The following TRPV2 variants were observed in gnomAD, a reference collection of about 807,000 sequenced individuals.
The protein encoded by TRPV2 is transient receptor potential cation channel subfamily V member 2, also known as OTRPC2.
In TRPV2, 58 loss-of-function variants were observed where a neutral mutation model predicts 91.0. That is an observed-to-expected ratio of 0.64 (90% confidence interval 0.52 to 0.79). The LOEUF is 0.79. Among genes scored for constraint, TRPV2 ranks in the 30% least tolerant of loss-of-function variants. TRPV2 has a pLI of 0.00. For synonymous variants in TRPV2, 417 were observed against 414.8 expected (o/e 1.01, Z -0.06); for missense variants, 807 against 969.6 (o/e 0.83, Z 2.23).
In TRPV2 at chr17:16,433,628, C is replaced by T; in HGVS notation, c.2044C>T (p.Gln682Ter). ...ENGYWWCRKK[Q>*]RAGVMLTVGT... ...TGGCTATTGGTGGTGCAGGAAGAAG[C>T]AGCGGGCAGGTGTGATGCTGACCGT... is the stretch of plus-strand genomic sequence containing the variant. Residue 682 changes from glutamine (Q) to a stop codon, truncating the protein, a stop_gained, in exon 13 of 15, where the codon CAG (glutamine) becomes TAG (stop). Transcript: ENST00000338560. LOFTEE classifies it high-confidence loss of function. 6.2e-7 allele frequency: 1 copy of T among 1,614,184 alleles called. No individual in the cohort carries two copies. The highest frequency in any genetic ancestry group is 8.5e-7 in the Non-Finnish European group (1 of 1,180,034).
chr17:16,425,022 A>ATTT lies in TRPV2; in HGVS notation c.925-1060_925-1058dup, dbSNP rs11329557. Among the ~76,000 whole-genome samples the ATTT allele has an allele frequency of 3.1e-3, 356 of 116,000 alleles. 14 individuals carry two copies. Among genetic ancestry groups the ATTT allele is most frequent in the Non-Finnish European group, 4.4e-3 (260 of 58,782 alleles). The allele number at this position is 116,000 out of a possible 152,430, so 76.1% of individuals were successfully genotyped here. On this transcript the variant is annotated intron_variant, in intron 5 of 14. Coordinates refer to ENST00000338560, the MANE Select transcript of TRPV2 (RefSeq NM_016113.5). ...TTTTCTTCCAAACTTTTGCAGCTGC[A>ATTT]TTTTTTTTTTTTTTTTTTTGAGATG...
chr17:16,417,692 A>T lies in TRPV2; in HGVS notation c.24A>T (p.Pro8=), dbSNP rs760606289. Residue 8 remains proline, a synonymous_variant, in exon 2 of 15, where the codon CCA becomes CCT. Transcript: ENST00000338560. The stretch of plus-strand genomic sequence containing the variant: ...GGATGACCTCACCCTCCAGCTCTCC[A>T]GTTTTCAGGTTGGAGACATTAGATG... The part of the protein sequence containing the change: MTSPSSS[P]VFRLETLDGG... The T allele has an allele frequency of 6.2e-7, 1 of 1,614,108 alleles. No homozygotes were observed. The highest frequency in any genetic ancestry group is 1.1e-5 in the South Asian group (1 of 91,072).
intron 3 of TRPV2, among the ~76,000 whole-genome samples, chr17:16,421,477 C>CA (rs2093356666): frequency 2.0e-5 from 3 of 151,300 alleles, no homozygotes; most frequent in Admixed American, 2.0e-4. Context: ...CTTGGCCTAC[C>CA]AAAAATGCTG....
At chr17:16,429,069 G>A (rs2093398284) in intron 10 of TRPV2, 87 bp downstream of exon 10, 3 of 1,454,722 alleles carry the variant, frequency 2.1e-6, no homozygotes, top group Non-Finnish European at 2.8e-6. Context: ...GGCAGAGGAG[G>A]GCATGTGTAC....
intron 5 of TRPV2, 128 bp from the exon 6 acceptor site, chr17:16,425,971 A>G: frequency 2.2e-6 from 2 of 923,734 alleles, no homozygotes; most frequent in South Asian, 3.1e-5. Context: ...GTATGGGGGT[A>G]CGTGCACGTG....
At chr17:16,424,856 G>A (rs1212060129) in intron 5 of TRPV2, among the ~76,000 whole-genome samples, 1 of 149,622 alleles carries the variant, frequency 6.7e-6, no homozygotes, top group Admixed American at 6.7e-5. Context: ...AAGGTTCCAT[G>A]GTTTTGCTAT....
chr17:16,436,917 G>A lies in TRPV2; in HGVS notation c.*28G>A. On this transcript the variant is annotated 3_prime_UTR_variant, in exon 15 of 15. Coordinates refer to ENST00000338560, the MANE Select transcript of TRPV2 (RefSeq NM_016113.5). The stretch of plus-strand genomic sequence containing the variant: ...GCCCAGATGCAGCAGGAGGCCAGAG[G>A]ACAGAGCAGAGGATCTTTCCAACCA... 1 of 1,573,452 alleles carries A rather than the reference G, an allele frequency of 6.4e-7. No individual in the cohort carries two copies. The highest frequency in any genetic ancestry group is 2.2e-5 in the East Asian group (1 of 44,678).
intron 2 of TRPV2, among the ~76,000 whole-genome samples, chr17:16,419,914 C>T (rs1385693663): frequency 2.0e-5 from 3 of 152,220 alleles, no homozygotes; most frequent in African/African-American, 4.8e-5. Context: ...AGTGCCTGGA[C>T]AGGCCCCTTT....
At chr17:16,422,180 G>A (rs770983250) in intron 3 of TRPV2, among the ~76,000 whole-genome samples, 3 of 151,740 alleles carry the variant, frequency 2.0e-5, no homozygotes, top group South Asian at 2.1e-4. Flanking sequence ...AAAATTAGCC[G>A]GGTGTGGCGG....
At chr17:16,436,185 C>G (rs2093433267) in intron 14 of TRPV2, among the ~76,000 whole-genome samples, 1 of 152,186 alleles carries the variant, frequency 6.6e-6, no homozygotes, top group African/African-American at 2.4e-5. Context: ...CCTCTTACTT[C>G]TGCACCACTG....
chr17:16,432,579 T>C (rs1482567308), intron 12 of TRPV2, among the ~76,000 whole-genome samples: 1 of 152,010 alleles, frequency 6.6e-6, no homozygotes, highest in Non-Finnish European at 1.5e-5. Context: ...TAGCTGGGGT[T>C]ACAGGCACCT....
At chr17:16,423,174 C>T (rs149754198) in intron 4 of TRPV2, among the ~76,000 whole-genome samples, 17 of 152,334 alleles carry the variant, frequency 1.1e-4, no homozygotes, top group African/African-American at 3.1e-4. Flanking sequence ...GTTTCATCCT[C>T]GTCTGGCCAG....
chr17:16,432,784 C>A (rs988884025), intron 12 of TRPV2, among the ~76,000 whole-genome samples: 4 of 151,322 alleles, frequency 2.6e-5, no homozygotes, highest in Non-Finnish European at 5.9e-5. Context: ...CTACTCTTAT[C>A]ATCATTGCTG....
At chr17:16,417,499 G>T in intron 1 of TRPV2, 63 bp from the exon 2 acceptor site, 1 of 626,388 alleles carries the variant, frequency 1.6e-6, no homozygotes, top group East Asian at 3.0e-5. Context: ...CTCCCAAAGT[G>T]CTGGGATTAC....
Position 16,417,856 on chromosome 17 carries a change from G to A in TRPV2, c.188G>A (p.Gly63Glu). 1 of 1,613,996 alleles carries A rather than the reference G, an allele frequency of 6.2e-7. No individual in the cohort carries two copies. The highest frequency in any genetic ancestry group is 1.1e-5 in the South Asian group (1 of 91,054). ...QIRVNLNYRKGTGASQPDPNR... is the reference protein window; with the variant it reads ...QIRVNLNYRKETGASQPDPNR... The stretch of plus-strand genomic sequence containing the variant: ...AGAGTCAACCTCAACTACCGAAAGG[G>A]AACAGGTGCCAGGTGAGACAGCAAG... Residue 63 changes from glycine (G) to glutamate (E), a missense_variant, in exon 2 of 15, where the codon GGA becomes GAA. Physicochemically the swap from Gly to Glu is moderately conservative, Grantham distance 98. Transcript: ENST00000338560.
At chr17:16,423,303 G>A (rs2093366877) in intron 4 of TRPV2, among the ~76,000 whole-genome samples, 166 bp from the exon 5 acceptor site, 1 of 152,278 alleles carries the variant, frequency 6.6e-6, no homozygotes, top group Non-Finnish European at 1.5e-5. Context: ...CTCTGGCAAA[G>A]AAGACAGCAA....
intron 10 of TRPV2, among the ~76,000 whole-genome samples, chr17:16,431,271 ATATATATATATATATACATATTTTTT>A (rs1016452524): frequency 1.4e-4 from 10 of 72,304 alleles, no homozygotes; most frequent in Non-Finnish European, 2.6e-4. Flanking sequence ...ATATATATAT[ATATATATATATATATACATATTTTTT>A]TTTTTTTTTT....
At chr17:16,418,176 C>T (rs2142974312) in intron 2 of TRPV2, among the ~76,000 whole-genome samples, 1 of 152,340 alleles carries the variant, frequency 6.6e-6, no homozygotes, top group South Asian at 2.1e-4. Flanking sequence ...CAACTCCCAC[C>T]CCTGTCATGG....
intron 2 of TRPV2, 129 bp downstream of exon 2, chr17:16,417,997 G>A (rs1284709245): frequency 1.1e-6 from 1 of 926,524 alleles, no homozygotes; most frequent in African/African-American, 1.7e-5. Context: ...CCTCAGTCTG[G>A]CCCTGGTGGC....
Sources: allele counts gnomAD v4.1 joint callset (sites outside exome capture counted in the v4.1 genomes callset), GRCh38; gene constraint gnomAD v4.1.1; transcripts MANE v1.5; gene names NCBI Gene and HGNC (gene_info 2026-07-23, HGNC 2026-07-21).